PCSK2: variants seen among roughly 807,000 people sequenced by gnomAD.
PCSK2 encodes the protein neuroendocrine convertase 2.
In PCSK2, 14 loss-of-function variants were observed where a neutral mutation model predicts 69.7. The ratio of observed to expected loss-of-function variants is 0.20; its 90% CI spans 0.13 to 0.31. The LOEUF is 0.31. PCSK2 is among the 10% of genes least tolerant of loss of function. PCSK2 has a pLI of 1.00. For synonymous variants in PCSK2, 307 were observed against 320.7 expected (o/e 0.96, Z 0.46); for missense variants, 544 against 842.5 (o/e 0.65, Z 4.39).
chr20:17,456,266 T>C, intron 9 of PCSK2, 82 bp from the exon 10 acceptor site: 1 of 727,534 alleles, frequency 1.4e-6, no homozygotes, highest in Non-Finnish European at 2.4e-6. Flanking sequence ...ATAAAAGGAG[T>C]AGATAATCCC....
chr20:17,292,220 C>A (rs1261290383), intron 2 of PCSK2, among the ~76,000 whole-genome samples: 1 of 151,970 alleles, frequency 6.6e-6, no homozygotes, highest in Middle Eastern at 3.2e-3. Context: ...CTTTTTATTT[C>A]TTTCATGGCC....
At chr20:17,396,132 T>G (rs2031505818) in intron 5 of PCSK2, among the ~76,000 whole-genome samples, 1 of 152,214 alleles carries the variant, frequency 6.6e-6, no homozygotes, top group Non-Finnish European at 1.5e-5. Flanking sequence ...CCTCATCACC[T>G]TGACAACACA....
chr20:17,402,748 A>G (rs1471247319), intron 5 of PCSK2, among the ~76,000 whole-genome samples: 2 of 151,374 alleles, frequency 1.3e-5, no homozygotes, highest in Admixed American at 6.6e-5. Context: ...AGGTTAGGAG[A>G]TCAAGACCAT....
chr20:17,432,430 T>C (rs969448188), intron 7 of PCSK2, among the ~76,000 whole-genome samples: 2 of 152,248 alleles, frequency 1.3e-5, no homozygotes, highest in Non-Finnish European at 2.9e-5. Context: ...AGGAACATTA[T>C]TTGAAAGTTT....
intron 11 of PCSK2, among the ~76,000 whole-genome samples, chr20:17,479,832 C>T (rs1042202163): frequency 8.2e-5 from 12 of 146,392 alleles, no homozygotes; most frequent in Middle Eastern, 3.5e-3. Context: ...GAACTATCCA[C>T]AATGACAGTG....
At chr20:17,384,840 A>G (rs575611986) in intron 5 of PCSK2, among the ~76,000 whole-genome samples, 1 of 152,068 alleles carries the variant, frequency 6.6e-6, no homozygotes, top group South Asian at 2.1e-4. Flanking sequence ...TTGAGACGGG[A>G]GGATCTATTG....
chr20:17,334,001 A>G (rs1355387367), intron 2 of PCSK2, among the ~76,000 whole-genome samples: 1 of 146,920 alleles, frequency 6.8e-6, no homozygotes, highest in African/African-American at 2.5e-5. Context: ...CATCTGGCCC[A>G]TTCTCTCACT....
At chr20:17,246,536 G>T (rs1183158320) in intron 1 of PCSK2, among the ~76,000 whole-genome samples, 2 of 152,124 alleles carry the variant, frequency 1.3e-5, no homozygotes, top group Admixed American at 6.5e-5. Context: ...GAATGTAAAA[G>T]TATGAACCAA....
At chr20:17,229,692 AT>A (rs531966848) in intron 1 of PCSK2, among the ~76,000 whole-genome samples, 33 of 151,668 alleles carry the variant, frequency 2.2e-4, no homozygotes, top group African/African-American at 4.6e-4. Context: ...AAATCCAGTG[AT>A]TTTTTTTCCC....
chr20:17,279,641 A>C (rs1988228660), intron 2 of PCSK2, among the ~76,000 whole-genome samples: 1 of 152,020 alleles, frequency 6.6e-6, no homozygotes, highest in African/African-American at 2.4e-5. Context: ...CCCTGTCTCT[A>C]CTGGGCATAG....
At chr20:17,433,148 T>C (rs1046260513) in intron 7 of PCSK2, among the ~76,000 whole-genome samples, 6 of 152,184 alleles carry the variant, frequency 3.9e-5, no homozygotes, top group African/African-American at 1.2e-4. Context: ...TCACCTTTGA[T>C]TGAAGATTTT....
rs754892441 is a variant in PCSK2, at chr20:17,360,606, A to G, written c.471A>G (p.Thr157=). ...NVAEAWELGY[T]GKGVTIGIMD... is the part of the protein sequence containing the mutation. ...CTGAAGCCTGGGAGCTGGGATACAC[A>G]GGGAAAGGTGTTACCATTGGAATTA... The change falls in exon 4 of 12, where the codon ACA becomes ACG. Residue 157 remains threonine (T), a synonymous_variant. Transcript: ENST00000262545. 1.2e-6 allele frequency: 2 copies of G among 1,611,388 alleles called. No individual in the cohort carries two copies. The highest frequency in any genetic ancestry group is 4.5e-5 in the East Asian group (2 of 44,802).
intron 2 of PCSK2, among the ~76,000 whole-genome samples, chr20:17,268,033 G>GTATATATATATATA (rs753655282): frequency 0.044 from 2,798 of 64,208 alleles, 101 homozygotes; most frequent in Middle Eastern, 0.064. Flanking sequence ...TATCCAATGT[G>GTATATATATATATA]TATATATATA....
chr20:17,329,943 A>G (rs1205281504), intron 2 of PCSK2, among the ~76,000 whole-genome samples: 1 of 152,220 alleles, frequency 6.6e-6, no homozygotes, highest in Non-Finnish European at 1.5e-5. Context: ...AGAACTGGCC[A>G]ATAGAAATGT....
In PCSK2 at chr20:17,347,845, A is replaced by G. The variant is rs553874282; in HGVS notation, c.283-10482A>G. Among the ~76,000 whole-genome samples the G allele has an allele frequency of 2.8e-4, 37 of 133,158 alleles. 1 individual carries two copies. The highest frequency in any genetic ancestry group is 3.8e-3 in the Middle Eastern group (1 of 260). 87.4% of individuals were successfully genotyped at this position (133,158 alleles called of 152,430 possible). On this transcript the variant is annotated intron_variant, in intron 2 of 11. Transcript: ENST00000262545. ...GAAAGAAAGAAAGAAAGAAAGAAAGAAAGAAAGAAAGAAAGAGGAGAGAGA... is the reference window on the plus strand; with the variant it reads ...GAAAGAAAGAAAGAAAGAAAGAAAGGAAGAAAGAAAGAAAGAGGAGAGAGA...
intron 11 of PCSK2, among the ~76,000 whole-genome samples, chr20:17,471,031 A>G (rs1326033390): frequency 6.6e-6 from 1 of 152,140 alleles, no homozygotes; most frequent in Non-Finnish European, 1.5e-5. Context: ...ACCAGGCTAT[A>G]TTTTCTGAGA....
chr20:17,311,456 C>T (rs1989508991), intron 2 of PCSK2, among the ~76,000 whole-genome samples: 1 of 152,060 alleles, frequency 6.6e-6, no homozygotes, highest in African/African-American at 2.4e-5. Flanking sequence ...GGTGGTATCA[C>T]CTTTAACTGA....
At chr20:17,263,603 T>G (rs1240388778) in intron 2 of PCSK2, among the ~76,000 whole-genome samples, 2 of 152,188 alleles carry the variant, frequency 1.3e-5, no homozygotes, top group Non-Finnish European at 2.9e-5. Flanking sequence ...ATCCCAAAAT[T>G]TGTCTCCATT....
intron 6 of PCSK2, among the ~76,000 whole-genome samples, chr20:17,412,368 G>T (rs1420150881): frequency 6.6e-6 from 1 of 152,160 alleles, no homozygotes; most frequent in East Asian, 1.9e-4. Flanking sequence ...CATGGCACGA[G>T]AACTTCGTGA....
Sources: allele counts gnomAD v4.1 joint callset (sites outside exome capture counted in the v4.1 genomes callset), GRCh38; gene constraint gnomAD v4.1.1; transcripts MANE v1.5; gene names NCBI Gene and HGNC (gene_info 2026-07-23, HGNC 2026-07-21).